TROAP: variants seen among roughly 807,000 people sequenced by gnomAD.
TROAP encodes trophinin associated protein.
A neutral mutation model predicts 83.4 loss-of-function variants in TROAP; 62 were observed. The ratio of observed to expected loss-of-function variants is 0.74; its 90% confidence interval spans 0.61 to 0.92. The LOEUF (loss-of-function observed/expected upper bound fraction) is 0.92. TROAP is among the 40% of genes least tolerant of loss of function. The probability of loss-of-function intolerance (pLI) is 0.00; values close to 1 mark genes in which losing one functional copy is unlikely to be tolerated. For synonymous variants in TROAP, 352 were observed against 386.4 expected, an observed-to-expected ratio of 0.91 and a Z score of 1.04; for missense variants, 876 against 985.1, an observed-to-expected ratio of 0.89 and a Z score of 1.48.
In TROAP at chr12:49,325,671, G is replaced by A. The variant is rs375307681; in HGVS notation, c.495+13G>A. On this transcript the variant is annotated intron_variant, in intron 4 of 14. Coordinates refer to ENST00000257909, the MANE Select transcript of TROAP (RefSeq NM_005480.4). ...CCAGAGGGTCCAGGTAATGAAACAG[G>A]ATGTGAGGAGACCAGGCTAGGGGGC... 8 of 1,613,500 alleles carry A rather than the reference G, an allele frequency of 5.0e-6. No individual in the cohort carries two copies. The highest frequency in any genetic ancestry group is 6.8e-6 in the Non-Finnish European group (8 of 1,179,844).
At position 49,329,454 on chromosome 12, in the gene TROAP, G is replaced by C; in HGVS notation, c.1164G>C (p.Trp388Cys). The change falls in exon 11 of 15, where the codon TGG becomes TGC. Residue 388 changes from tryptophan (W) to cysteine (C), a missense_variant and splice_region_variant. Trp to Cys is a radical substitution (Grantham distance 215, BLOSUM62 -2). Transcript: ENST00000257909. The surrounding 1 kb of genome is among the most constrained non-coding windows in gnomAD (Gnocchi z 4.5). ...GCTCTGAAGATCCTGCCCTGCCCTGGGTAAGTATCAGAAGCTTCCCCCTAC... is the reference window on the plus strand; with the variant it reads ...GCTCTGAAGATCCTGCCCTGCCCTGCGTAAGTATCAGAAGCTTCCCCCTAC... ...QSCSEDPALP[W>C]EQVAVRLFDQ... 1 of 1,608,446 alleles carries C rather than the reference G, an allele frequency of 6.2e-7. No homozygotes were observed. The highest frequency in any genetic ancestry group is 1.1e-5 in the South Asian group (1 of 90,222).
chr12:49,330,702 C>T lies in TROAP; in HGVS notation c.1857C>T (p.Pro619=), dbSNP rs773518212. Residue 619 remains proline, a synonymous_variant, in exon 13 of 15, where the codon CCC becomes CCT. Transcript: ENST00000257909. ...EVPEPCPPAE[P]GPLQPSTQGQ... is the part of the protein sequence containing the mutation. ...CTGAGCCCTGCCCTCCAGCAGAACC[C>T]GGGCCCCTTCAGCCCAGCACCCAGG... 3.2e-5 allele frequency: 51 copies of T among 1,613,982 alleles called. 1 individual carries two copies. The highest frequency in any genetic ancestry group is 2.6e-4 in the South Asian group (24 of 91,082).
intron 8 of TROAP, among the ~76,000 whole-genome samples, chr12:49,327,643 G>A (rs1943520660): frequency 2.0e-5 from 3 of 152,168 alleles, no homozygotes; most frequent in Admixed American, 2.0e-4. Flanking sequence ...TATTTACTGA[G>A]TAGCACCAGC....
At chr12:49,327,453 TA>T in intron 8 of TROAP, 123 bp downstream of exon 8, 1 of 1,405,562 alleles carries the variant, frequency 7.1e-7, no homozygotes, top group Non-Finnish European at 9.7e-7. Flanking sequence ...CTCAGGATGT[TA>T]CTGGGTAGGT....
chr12:49,327,881 A>C (rs1190785836), intron 8 of TROAP, among the ~76,000 whole-genome samples: 1 of 152,290 alleles, frequency 6.6e-6, no homozygotes, highest in African/African-American at 2.4e-5. Context: ...GGGAACTCTT[A>C]CTGAGAAGAT....
rs779025916 is a variant in TROAP at position 49,330,798 on chromosome 12, T to C, written c.1953T>C (p.His651=). The part of the protein sequence containing the change: ...LGASEPCTLE[H]RSLESSLPPC... ...CATCAGAGCCCTGCACCCTGGAACATAGAAGTCTAGAGTCCAGTCTACCAC... is the reference window on the plus strand; with the variant it reads ...CATCAGAGCCCTGCACCCTGGAACACAGAAGTCTAGAGTCCAGTCTACCAC... The change falls in exon 13 of 15, where the codon CAT becomes CAC. Residue 651 remains histidine (H), a synonymous_variant. Transcript: ENST00000257909. The C allele has an allele frequency of 5.6e-6, 9 of 1,613,822 alleles. No individual in the cohort carries two copies. Among genetic ancestry groups the C allele is most frequent in the African/African-American group, 4.0e-5 (3 of 74,890 alleles).
Position 49,330,000 on chromosome 12 carries a change from G to A in TROAP, c.1299+9G>A, listed in dbSNP as rs200398025. ...AGGAGGTGAAGATTCAAGTGAGTCT[G>A]TGTGGCCAACAGCTTTGATGTCTAT... On this transcript the variant is annotated intron_variant, in intron 12 of 14. Coordinates refer to ENST00000257909, the MANE Select transcript of TROAP (RefSeq NM_005480.4). The surrounding 1 kb of genome is among the most constrained non-coding windows in gnomAD (Gnocchi z 4.5). 9 of 1,613,864 alleles carry A rather than the reference G, an allele frequency of 5.6e-6. No individual in the cohort carries two copies. Among genetic ancestry groups the A allele is most frequent in the Non-Finnish European group, 7.6e-6 (9 of 1,179,848 alleles).
chr12:49,328,943 A>T lies in TROAP; in HGVS notation c.908A>T (p.His303Leu). 6.3e-7 allele frequency: 1 copy of T among 1,578,192 alleles called. No individual in the cohort carries two copies. Among genetic ancestry groups the T allele is most frequent in the Non-Finnish European group, 8.6e-7 (1 of 1,160,678 alleles). The change falls in exon 9 of 15, where the codon CAC (histidine) becomes CTC (leucine). Residue 303 changes from histidine (H) to leucine (L), a missense_variant. Coordinates refer to ENST00000257909, the MANE Select transcript of TROAP (RefSeq NM_005480.4). ...MSHTRDSHDS[H>L]LMPSPAPVAQ... is the part of the protein sequence containing the mutation. The stretch of plus-strand genomic sequence containing the variant: ...TCTTCACAGGACAGCCATGACTCCC[A>T]CCTGATGCCCTCCCCTGCCCCTGTG...
intron 8 of TROAP, among the ~76,000 whole-genome samples, chr12:49,328,348 C>T (rs947527274): frequency 2.6e-5 from 4 of 151,422 alleles, no homozygotes; most frequent in Admixed American, 6.6e-5. Flanking sequence ...CCTCAGCCTC[C>T]GAGTAGCTGG....
chr12:49,324,659 T>A (rs1943466833), intron 3 of TROAP: 1 of 153,520 alleles, frequency 6.5e-6, no homozygotes, highest in Admixed American at 6.5e-5. Context: ...GGAGGATCAT[T>A]TGAGCTCAGG....
rs560350674 is a variant in TROAP, at chr12:49,326,547, A to G, written c.717-121A>G. On this transcript the variant is annotated intron_variant, in intron 6 of 14. Coordinates refer to ENST00000257909, the MANE Select transcript of TROAP (RefSeq NM_005480.4). ...GGTTTCTTTGTCAAGTGAGAATAACATTTGTACCATCATTAGTTGTCATGA... is the reference window on the plus strand; with the variant it reads ...GGTTTCTTTGTCAAGTGAGAATAACGTTTGTACCATCATTAGTTGTCATGA... The G allele has an allele frequency of 1.2e-5, 14 of 1,159,758 alleles. No individual in the cohort carries two copies. In the East Asian group the frequency reaches 2.6e-4, roughly 22 times the overall value. The allele number at this position is 1,159,758 out of a possible 1,614,324, so 71.8% of individuals were successfully genotyped here. A position where few individuals can be genotyped will look rare whatever the true frequency, so the allele number is the denominator to read the frequency against.
chr12:49,327,760 G>C (rs1312630727), intron 8 of TROAP, among the ~76,000 whole-genome samples: 1 of 152,062 alleles, frequency 6.6e-6, no homozygotes, highest in African/African-American at 2.4e-5. Flanking sequence ...AATAAATAGT[G>C]TCTCAGATGA....
chr12:49,325,049 T>G (rs1943476476), intron 3 of TROAP, among the ~76,000 whole-genome samples: 1 of 151,662 alleles, frequency 6.6e-6, no homozygotes. Context: ...TAGCTGGTAC[T>G]ACAGGCGCGC....
rs1943442489 is a variant in TROAP at position 49,323,762 on chromosome 12, G to A, written c.144+10G>A. 1 of 1,613,964 alleles carries A rather than the reference G, an allele frequency of 6.2e-7. No individual in the cohort carries two copies. The highest frequency in any genetic ancestry group is 8.5e-7 in the Non-Finnish European group (1 of 1,180,022). On this transcript the variant is annotated intron_variant, in intron 2 of 14. Coordinates refer to ENST00000257909, the MANE Select transcript of TROAP (RefSeq NM_005480.4). ...GAACCAAGATCCAAGGGTAAGAGGG[G>A]CCTAATGGGGGAAGACAGTAGTCAC... is the stretch of plus-strand genomic sequence containing the variant.
intron 7 of TROAP, 40 bp from the exon 8 acceptor site, chr12:49,327,169 G>A (rs776572615): frequency 1.2e-6 from 2 of 1,610,104 alleles, no homozygotes; most frequent in South Asian, 2.2e-5. Flanking sequence ...ACTTTGGTGG[G>A]TGTTCTAGAG....
chr12:49,329,149 A>G lies in TROAP; in HGVS notation c.1021-12A>G, dbSNP rs1184678117. 1.6e-5 allele frequency: 26 copies of G among 1,613,850 alleles called. No individual in the cohort carries two copies. The East Asian group carries it at 5.8e-4, about 36-fold the overall frequency. On this transcript the variant is annotated splice_polypyrimidine_tract_variant and intron_variant, in intron 9 of 14. Coordinates refer to ENST00000257909, the MANE Select transcript of TROAP (RefSeq NM_005480.4). The surrounding 1 kb of genome is among the most constrained non-coding windows in gnomAD (Gnocchi z 4.5). ...GTTTTGTCCCTGCTCAGCCACCCAC[A>G]TCTCTCCCCAGACCTCATATTCAGT...
Position 49,330,425 on chromosome 12 carries a change from G to A in TROAP, c.1580G>A (p.Cys527Tyr), listed in dbSNP as rs370135176. The A allele has an allele frequency of 6.2e-7, 1 of 1,613,954 alleles. No homozygotes were observed. The highest frequency in any genetic ancestry group is 8.5e-7 in the Non-Finnish European group (1 of 1,179,956). ...GAGCCTGGGCCCCCAGAGGCCTTCT[G>A]TAGGAGTGAGCCTGAGATACCAGAG... ...PAEPGPPEAF[C>Y]RSEPEIPEPS... is the part of the protein sequence containing the mutation. The change falls in exon 13 of 15, where the codon TGT becomes TAT. Residue 527 changes from cysteine (C) to tyrosine (Y), a missense_variant. Physicochemically the swap from Cys to Tyr is radical, Grantham distance 194 (BLOSUM62 -2). Around this residue, in one of 3 missense-constraint regions of TROAP, gnomAD observed 689 missense variants for 722.6 expected, o/e 0.95. Coordinates refer to ENST00000257909, the MANE Select transcript of TROAP (RefSeq NM_005480.4).
At position 49,330,779 on chromosome 12, in the gene TROAP, A is replaced by G. The variant is rs1253626009; in HGVS notation, c.1934A>G (p.Glu645Gly). The change falls in exon 13 of 15, where the codon GAG becomes GGG. Residue 645 changes from glutamate (E) to glycine (G), a missense_variant. By Grantham distance (98) the Glu-to-Gly change is moderately conservative (BLOSUM62 -2). This residue lies in a region of TROAP where 184 missense variants were observed against 238.3 expected (regional missense o/e 0.77). Coordinates refer to ENST00000257909, the MANE Select transcript of TROAP (RefSeq NM_005480.4). Reference sequence around the variant, plus strand: ...CCTAGGGTAGAGCTGGGGGCATCAGAGCCCTGCACCCTGGAACATAGAAGT... The same window carrying G: ...CCTAGGGTAGAGCTGGGGGCATCAGGGCCCTGCACCCTGGAACATAGAAGT... ...PCPRVELGAS[E>G]PCTLEHRSLE... 3.1e-6 allele frequency: 5 copies of G among 1,613,884 alleles called. No individual in the cohort carries two copies. Among genetic ancestry groups the G allele is most frequent in the Non-Finnish European group, 4.2e-6 (5 of 1,179,976 alleles).
Position 49,327,243 on chromosome 12 carries a change from C to T in TROAP, c.804C>T (p.Val268=). ...TTCCTAAAGGAGAACGCGAGGTTGT[C>T]ACTCACTCAGATGAAGGAGGTGTGG... ...FSLPKGEREV[V]THSDEGGVAS... The change falls in exon 8 of 15, where the codon GTC becomes GTT. Residue 268 remains valine, a synonymous_variant. Transcript: ENST00000257909. 1 of 1,614,190 alleles carries T rather than the reference C, an allele frequency of 6.2e-7. No homozygotes were observed. The highest frequency in any genetic ancestry group is 8.5e-7 in the Non-Finnish European group (1 of 1,180,024).
Sources: gnomAD v4.1 joint callset for allele counts (sites outside exome capture counted in the v4.1 genomes callset) on GRCh38, gnomAD v4.1.1 for gene constraint, gnomAD v4.1.1 regional missense constraint, Gnocchi (gnomAD v3.1) non-coding constraint, MANE v1.5 for transcripts, NCBI Gene and HGNC (gene_info 2026-07-23, HGNC 2026-07-21) for gene names.